The following MAP7 variants were observed in gnomAD, a reference collection of about 807,000 sequenced individuals.
MAP7 encodes microtubule associated protein 7, also known as ensconsin.
Under a neutral mutation model 94.8 loss-of-function variants are expected in MAP7, and 52 were observed. The observed-to-expected ratio is 0.55, with a 90% CI of 0.44 to 0.69. The LOEUF (loss-of-function observed/expected upper bound fraction) is 0.69, where lower values mean the gene tolerates loss of function less well. MAP7 is among the 30% of genes least tolerant of loss of function. MAP7 has a pLI of 0.00. For missense variants in MAP7, 940 were observed against 964.6 expected (o/e 0.97, Z 0.34); for synonymous variants, 350 against 357.0 (o/e 0.98, Z 0.22).
At chr6:136,362,830 G>T in intron 10 of MAP7, 128 bp from the exon 11 acceptor site, 1 of 1,396,214 alleles carries the variant, frequency 7.2e-7, no homozygotes, top group Non-Finnish European at 9.5e-7. Context: ...GTTTATTACT[G>T]TGTGTTCTCA....
chr6:136,472,581 C>T (rs1367298053), intron 1 of MAP7, among the ~76,000 whole-genome samples: 1 of 152,152 alleles, frequency 6.6e-6, no homozygotes, highest in Non-Finnish European at 1.5e-5. Context: ...TTGCTCCCAA[C>T]CACTAGCCCT....
chr6:136,383,241 T>C (rs1452388537), intron 6 of MAP7, among the ~76,000 whole-genome samples: 1 of 152,182 alleles, frequency 6.6e-6, no homozygotes, highest in African/African-American at 2.4e-5. Flanking sequence ...AAATAAAATC[T>C]ACCAATCTGA....
intron 5 of MAP7, among the ~76,000 whole-genome samples, chr6:136,387,611 G>A (rs1362561130): frequency 3.9e-5 from 6 of 152,154 alleles, no homozygotes; most frequent in African/African-American, 9.7e-5. Context: ...TCACAGGGAT[G>A]TCTGTACCAG....
intron 7 of MAP7, 24 bp downstream of exon 7, chr6:136,377,730 GA>G (rs1338699277): frequency 6.4e-7 from 1 of 1,574,232 alleles, no homozygotes; most frequent in South Asian, 1.1e-5. Context: ...ACCTCATGGG[GA>G]AAGTTCCACC....
intron 3 of MAP7, among the ~76,000 whole-genome samples, chr6:136,393,368 C>T (rs1781323967): frequency 6.6e-6 from 1 of 152,090 alleles, no homozygotes; most frequent in Admixed American, 6.5e-5. Context: ...ACTGTTGGAA[C>T]TGTGTGGGGG....
Position 136,412,262 on chromosome 6 carries a change from A to T in MAP7, c.167-565T>A, listed in dbSNP as rs186431363. On this transcript the variant is annotated intron_variant, in intron 2 of 17. Transcript: ENST00000354570. ...TCATTATTATAATGACTGTTAGTAG[A>T]GTGTGTAGTGTGTATGTCCCAGTAA... is the stretch of plus-strand genomic sequence containing the variant. Among the ~76,000 whole-genome samples, 228 of 152,264 alleles carry T rather than the reference A, an allele frequency of 1.5e-3. 1 individual carries two copies. The highest frequency in any genetic ancestry group is 2.4e-3 in the Non-Finnish European group (162 of 68,010).
chr6:136,372,474 G>A (rs771765597), intron 8 of MAP7, 27 bp downstream of exon 8: 1 of 1,613,000 alleles, frequency 6.2e-7, no homozygotes, highest in Non-Finnish European at 8.5e-7. Flanking sequence ...TCCCAGACTT[G>A]CCCAGCTGCT....
At chr6:136,476,705 A>G (rs990756808) in intron 1 of MAP7, among the ~76,000 whole-genome samples, 3 of 152,226 alleles carry the variant, frequency 2.0e-5, no homozygotes, top group African/African-American at 7.2e-5. Flanking sequence ...AAAAGGAATC[A>G]GTTACATTAA....
chr6:136,389,306 T>A, intron 4 of MAP7, 48 bp downstream of exon 4: 1 of 1,502,510 alleles, frequency 6.7e-7, no homozygotes, highest in Non-Finnish European at 8.8e-7. Flanking sequence ...GTTTGCTGCA[T>A]GTCTGAACTA....
At chr6:136,500,321 T>C (rs929266302) in intron 1 of MAP7, among the ~76,000 whole-genome samples, 1 of 152,256 alleles carries the variant, frequency 6.6e-6, no homozygotes, top group Non-Finnish European at 1.5e-5. Context: ...AGGAAAACTG[T>C]TGCTCACAGT....
intron 7 of MAP7, among the ~76,000 whole-genome samples, chr6:136,374,354 T>C (rs1775466244): frequency 6.6e-6 from 1 of 152,214 alleles, no homozygotes; most frequent in African/African-American, 2.4e-5. Context: ...AAGAGTTCAC[T>C]AATGCAAAAT....
chr6:136,481,373 G>A (rs546167328), intron 1 of MAP7, among the ~76,000 whole-genome samples: 2 of 152,198 alleles, frequency 1.3e-5, no homozygotes, highest in South Asian at 4.2e-4. Context: ...CCTAAGTGTC[G>A]ATCAACAGAC....
chr6:136,377,043 GGATGTAGGCTTACCGACTA>G (rs537345851), intron 7 of MAP7, among the ~76,000 whole-genome samples: 2,135 of 152,226 alleles, frequency 0.014, 20 homozygotes, highest in South Asian at 0.034. Flanking sequence ...CTTACCAACT[GGATGTAGGCTTACCGACTA>G]GATGTAGGCT....
chr6:136,471,638 TAAAG>T (rs1809052962), intron 1 of MAP7, among the ~76,000 whole-genome samples: 1 of 152,114 alleles, frequency 6.6e-6, no homozygotes, highest in Non-Finnish European at 1.5e-5. Context: ...ACTCACTAAA[TAAAG>T]ATTCAGTTAC....
At position 136,505,277 on chromosome 6, in the gene MAP7, G is replaced by GTATATATATATA. The variant is rs56764706; in HGVS notation, c.67+45053_67+45064dup. Among the ~76,000 whole-genome samples the GTATATATATATA allele has an allele frequency of 1.7e-3, 90 of 53,828 alleles. 2 individuals are homozygous for GTATATATATATA. The highest frequency in any genetic ancestry group is 3.8e-3 in the African/African-American group (47 of 12,436). 35.3% of individuals were successfully genotyped at this position (53,828 alleles called of 152,430 possible). A position where few individuals can be genotyped will look rare whatever the true frequency, so the allele number is the denominator to read the frequency against. The stretch of plus-strand genomic sequence containing the variant: ...TGTGTGTGTGTGTGTGTGTGTGTGT[G>GTATATATATATA]TATATATATATATATATATATATAT... On this transcript the variant is annotated intron_variant, in intron 1 of 17. Coordinates refer to ENST00000354570, the MANE Select transcript of MAP7 (RefSeq NM_003980.6).
intron 1 of MAP7, among the ~76,000 whole-genome samples, chr6:136,474,558 G>A (rs1032950907): frequency 1.4e-4 from 22 of 152,252 alleles, no homozygotes; most frequent in African/African-American, 4.1e-4. Context: ...CGGCCTCAGC[G>A]CCAAACAAGT....
chr6:136,460,504 G>T (rs1804845294), intron 1 of MAP7, among the ~76,000 whole-genome samples: 1 of 152,088 alleles, frequency 6.6e-6, no homozygotes, highest in Admixed American at 6.6e-5. Context: ...AGCTGAAACT[G>T]GTTTATCTTC....
At chr6:136,399,983 T>C (rs1219372629) in intron 3 of MAP7, among the ~76,000 whole-genome samples, 2 of 152,202 alleles carry the variant, frequency 1.3e-5, no homozygotes, top group African/African-American at 4.8e-5. Context: ...TAATCATTAA[T>C]AGAATGGAAA....
chr6:136,547,309 G>C, intron 1 of MAP7, among the ~76,000 whole-genome samples: 1 of 152,278 alleles, frequency 6.6e-6, no homozygotes, highest in South Asian at 2.1e-4. Context: ...TTATTCCTTC[G>C]TGCATGAAAG....
Sources: allele counts gnomAD v4.1 joint callset (sites outside exome capture counted in the v4.1 genomes callset), GRCh38; gene constraint gnomAD v4.1.1; transcripts MANE v1.5; gene names NCBI Gene and HGNC (gene_info 2026-07-23, HGNC 2026-07-21).